The following PAK5 variants were observed in gnomAD, a reference collection of about 807,000 sequenced individuals.
The protein encoded by PAK5 is serine/threonine-protein kinase PAK 5.
PAK5 carries 16 observed loss-of-function variants against 65.9 expected under a neutral mutation model. That is an observed-to-expected ratio of 0.24 (90% CI 0.16 to 0.37). The LOEUF (loss-of-function observed/expected upper bound fraction) is 0.37. Ranked by LOEUF, PAK5 falls within the 10% of genes least tolerant of loss-of-function variation. The pLI is 1.00. For synonymous variants in PAK5, 371 were observed against 354.9 expected, an observed-to-expected ratio of 1.05 and a Z score of -0.51; for missense variants, 785 against 903.9, an observed-to-expected ratio of 0.87 and a Z score of 1.69.
In PAK5 at chr20:9,633,107, A is replaced by G. The variant is rs943934518; in HGVS notation, c.204+11018T>C. Among the ~76,000 whole-genome samples the G allele has an allele frequency of 1.2e-4, 18 of 152,160 alleles. 1 individual carries two copies. The highest frequency in any genetic ancestry group is 7.2e-4 in the Admixed American group (11 of 15,272). ...AACCACCCACACTCAGGTTCATACA[A>G]TGAGGTTGGGGCTGGGTGGCTCTGC... is the stretch of plus-strand genomic sequence containing the variant. On this transcript the variant is annotated intron_variant, in intron 3 of 9. Transcript: ENST00000353224.
chr20:9,644,674 T>C (rs2047110507), intron 2 of PAK5, among the ~76,000 whole-genome samples: 1 of 152,180 alleles, frequency 6.6e-6, no homozygotes, highest in Non-Finnish European at 1.5e-5. Flanking sequence ...CACTTTTTCC[T>C]TGTGCTCCTG....
chr20:9,636,183 A>G (rs769619493), intron 3 of PAK5, among the ~76,000 whole-genome samples: 1 of 152,206 alleles, frequency 6.6e-6, no homozygotes, highest in Non-Finnish European at 1.5e-5. Flanking sequence ...ATATTAAAGG[A>G]AAGAGAGAAT....
chr20:9,699,078 C>T (rs182337286), intron 2 of PAK5, among the ~76,000 whole-genome samples: 35 of 152,206 alleles, frequency 2.3e-4, no homozygotes, highest in South Asian at 8.3e-4. Context: ...CCTTAAAGAA[C>T]GGTCACAATG....
intron 2 of PAK5, among the ~76,000 whole-genome samples, chr20:9,651,674 C>T (rs1390625499): frequency 6.6e-6 from 1 of 151,964 alleles, no homozygotes; most frequent in South Asian, 2.1e-4. Flanking sequence ...AAGATAATGA[C>T]ATGGATATGC....
chr20:9,666,110 A>G (rs1193568853), intron 2 of PAK5, among the ~76,000 whole-genome samples: 1 of 152,162 alleles, frequency 6.6e-6, no homozygotes, highest in African/African-American at 2.4e-5. Context: ...AGAAGAAGGG[A>G]AGGAGGAAGG....
chr20:9,737,217 T>C (rs1238752945), intron 1 of PAK5, among the ~76,000 whole-genome samples: 1 of 151,940 alleles, frequency 6.6e-6, no homozygotes, highest in Non-Finnish European at 1.5e-5. Flanking sequence ...GACAGAGATA[T>C]CAGATTGGAT....
intron 1 of PAK5, among the ~76,000 whole-genome samples, chr20:9,734,569 C>CACACAT (rs2048368720): frequency 6.8e-6 from 1 of 146,800 alleles, no homozygotes; most frequent in Non-Finnish European, 1.5e-5. Context: ...CACACACACA[C>CACACAT]ACACATACAC....
intron 7 of PAK5, among the ~76,000 whole-genome samples, chr20:9,555,534 T>C (rs1420885991): frequency 6.6e-6 from 1 of 152,166 alleles, no homozygotes; most frequent in African/African-American, 2.4e-5. Flanking sequence ...GCTTTGCAAA[T>C]TGCATTCTGA....
intron 2 of PAK5, among the ~76,000 whole-genome samples, chr20:9,678,506 G>C (rs1260112597): frequency 1.3e-5 from 2 of 152,210 alleles, no homozygotes; most frequent in Non-Finnish European, 1.5e-5. Context: ...GGTGGAGCTT[G>C]CAGTGAGCTG....
At chr20:9,753,498 T>C (rs1281110725) in intron 1 of PAK5, among the ~76,000 whole-genome samples, 1 of 152,092 alleles carries the variant, frequency 6.6e-6, no homozygotes, top group African/African-American at 2.4e-5. Flanking sequence ...GGAGTGTATA[T>C]AGAGTTTCAC....
In PAK5 at chr20:9,566,402, G is replaced by A. The variant is rs746444836; in HGVS notation, c.991-18C>T. The A allele has an allele frequency of 6.2e-7, 1 of 1,606,880 alleles. No homozygotes were observed. On this transcript the variant is annotated intron_variant, in intron 4 of 9. Coordinates refer to ENST00000353224, the MANE Select transcript of PAK5 (RefSeq NM_177990.4). Reference sequence around the variant, plus strand: ...TAATCCACCTGGGAAGACAGACATGGATAGAGAATATTCACATGCTGGATC... The same window carrying A: ...TAATCCACCTGGGAAGACAGACATGAATAGAGAATATTCACATGCTGGATC...
intron 3 of PAK5, among the ~76,000 whole-genome samples, chr20:9,608,497 T>C (rs2046496809): frequency 1.3e-5 from 2 of 152,216 alleles, no homozygotes; most frequent in Admixed American, 6.5e-5. Context: ...TGGCAAGTAA[T>C]CCTCCATTGT....
chr20:9,832,144 T>G (rs1466552737), intron 1 of PAK5, among the ~76,000 whole-genome samples: 6 of 152,064 alleles, frequency 3.9e-5, no homozygotes, highest in African/African-American at 1.4e-4. Flanking sequence ...TAATTTTTAT[T>G]ACTATGAAAT....
chr20:9,640,475 G>A (rs1211692308), intron 3 of PAK5, among the ~76,000 whole-genome samples: 3 of 151,990 alleles, frequency 2.0e-5, no homozygotes, highest in Non-Finnish European at 4.4e-5. Context: ...TGGACATTTG[G>A]GTTGGTTTCA....
At chr20:9,794,696 CAT>C (rs969448269) in intron 1 of PAK5, among the ~76,000 whole-genome samples, 1 of 152,088 alleles carries the variant, frequency 6.6e-6, no homozygotes, top group Non-Finnish European at 1.5e-5. Flanking sequence ...GAGGAAAAAA[CAT>C]AGGCACATTG....
chr20:9,595,184 A>T (rs2046242402), intron 3 of PAK5, among the ~76,000 whole-genome samples: 1 of 151,994 alleles, frequency 6.6e-6, no homozygotes, highest in Admixed American at 6.6e-5. Flanking sequence ...TCAGATTAAT[A>T]GGGTCATTCT....
At chr20:9,675,507 T>C (rs980182648) in intron 2 of PAK5, among the ~76,000 whole-genome samples, 3 of 151,930 alleles carry the variant, frequency 2.0e-5, no homozygotes, top group Admixed American at 2.0e-4. Flanking sequence ...TATTTATTTA[T>C]TATTTATTTA....
chr20:9,833,904 C>T (rs999500446), intron 1 of PAK5, among the ~76,000 whole-genome samples: 12 of 152,034 alleles, frequency 7.9e-5, no homozygotes, highest in Non-Finnish European at 1.3e-4. Context: ...CTGTTTTTCC[C>T]ACTCAATTTA....
chr20:9,799,279 C>A (rs2092382), intron 1 of PAK5, among the ~76,000 whole-genome samples: 1 of 152,024 alleles, frequency 6.6e-6, no homozygotes, highest in African/African-American at 2.4e-5. Flanking sequence ...TACCCAACAA[C>A]TTTTTTCACT....
Sources: allele counts gnomAD v4.1 joint callset (sites outside exome capture counted in the v4.1 genomes callset), GRCh38; gene constraint gnomAD v4.1.1; transcripts MANE v1.5; gene names NCBI Gene and HGNC (gene_info 2026-07-23, HGNC 2026-07-21).